The following PLEKHH3 variants were observed in gnomAD, a reference collection of about 807,000 sequenced individuals.
The protein encoded by PLEKHH3 is pleckstrin homology domain-containing family H member 3.
Under a neutral mutation model 77.8 loss-of-function variants are expected in PLEKHH3, and 57 were observed. The observed-to-expected ratio is 0.73, with a 90% confidence interval of 0.59 to 0.91. The LOEUF (loss-of-function observed/expected upper bound fraction) is 0.91. Ranked by LOEUF, PLEKHH3 falls within the 40% of genes least tolerant of loss-of-function variation. The pLI is 0.00. For missense variants in PLEKHH3, 1,082 were observed against 1,091.2 expected (o/e 0.99, Z 0.12); for synonymous variants, 467 against 504.8 (o/e 0.93, Z 1.00).
chr17:42,676,733 T>C lies in PLEKHH3; in HGVS notation c.-170A>G. ...CCTGGGCTGGGGTGCAAGGGGACGC[T>C]AGCCAGACGCTGAGGGGGGCTCAGT... On this transcript the variant is annotated 5_prime_UTR_variant, in exon 1 of 13. Transcript: ENST00000591022. This position sits in a 1 kb window ranked among gnomAD's most constrained non-coding sequence, Gnocchi z 6.6. 1.5e-6 allele frequency: 1 copy of C among 657,054 alleles called. No homozygotes were observed. Among genetic ancestry groups the C allele is most frequent in the Admixed American group, 2.9e-5 (1 of 34,616 alleles). 40.7% of individuals were successfully genotyped at this position (657,054 alleles called of 1,614,324 possible).
chr17:42,668,101 A>T lies in PLEKHH3; in HGVS notation c.*26T>A. 1 of 1,389,442 alleles carries T rather than the reference A, an allele frequency of 7.2e-7. No individual in the cohort carries two copies. The allele number at this position is 1,389,442 out of a possible 1,614,324, so 86.1% of individuals were successfully genotyped here. A position where few individuals can be genotyped will look rare whatever the true frequency, so the allele number is the denominator to read the frequency against. On this transcript the variant is annotated 3_prime_UTR_variant, in exon 13 of 13. Transcript: ENST00000591022. Reference sequence around the variant, plus strand: ...AGTCCTGGCCCAGGCTGCAGGCAGGAGGGAAGTCGTGACCTCTTGGCAGGC... The same window carrying T: ...AGTCCTGGCCCAGGCTGCAGGCAGGTGGGAAGTCGTGACCTCTTGGCAGGC...
intron 1 of PLEKHH3, among the ~76,000 whole-genome samples, chr17:42,675,294 G>A (rs1384245154): frequency 6.6e-6 from 1 of 152,176 alleles, no homozygotes; most frequent in East Asian, 1.9e-4. Context: ...CTCAGGGAAG[G>A]GGGGAGTTGA....
At position 42,676,159 on chromosome 17, in the gene PLEKHH3, C is replaced by T. The variant is rs894981177; in HGVS notation, c.162+243G>A. On this transcript the variant is annotated intron_variant, in intron 1 of 12. Coordinates refer to ENST00000591022, the MANE Select transcript of PLEKHH3 (RefSeq NM_024927.5). The surrounding 1 kb of genome is among the most constrained non-coding windows in gnomAD (Gnocchi z 6.6). ...CCAGGTCGGGCCACGCGTGACGCCTCCCCTGCCTCAGGGCCCCCAGCAGGT... is the reference window on the plus strand; with the variant it reads ...CCAGGTCGGGCCACGCGTGACGCCTTCCCTGCCTCAGGGCCCCCAGCAGGT... The T allele has an allele frequency of 1.7e-5, 23 of 1,380,654 alleles. No individual in the cohort carries two copies. The highest frequency in any genetic ancestry group is 1.8e-5 in the Non-Finnish European group (19 of 1,068,478). The allele number at this position is 1,380,654 out of a possible 1,614,324, so 85.5% of individuals were successfully genotyped here.
intron 11 of PLEKHH3, 137 bp from the exon 12 acceptor site, chr17:42,669,758 C>T (rs1471851177): frequency 1.3e-6 from 2 of 1,481,738 alleles, no homozygotes; most frequent in East Asian, 4.9e-5. Context: ...GGCTGAGGCT[C>T]CAGGGATGTG....
At position 42,676,973 on chromosome 17, in the gene PLEKHH3, C is replaced by A. The variant is rs776312655; in HGVS notation, c.-410G>T. 3.8e-4 allele frequency: 64 copies of A among 169,398 alleles called. No individual in the cohort carries two copies. Among genetic ancestry groups the A allele is most frequent in the Non-Finnish European group, 6.4e-4 (51 of 80,178 alleles). The allele number at this position is 169,398 out of a possible 1,614,324, so 10.5% of individuals were successfully genotyped here. ...GCCGGGGCCCGGGCCGCGCGCGCTG[C>A]GCTCCCTGCAGCCCCGGGACTGGCG... On this transcript the variant is annotated 5_prime_UTR_variant, in exon 1 of 13. Transcript: ENST00000591022. The surrounding 1 kb of genome is among the most constrained non-coding windows in gnomAD (Gnocchi z 6.6).
At position 42,671,658 on chromosome 17, in the gene PLEKHH3, C is replaced by T; in HGVS notation, c.1077-100G>A. ...TAGTTTATTTTATCTAGCCGATTTC[C>T]TCCCCGCCCCAACTCAAGTTCTTTG... On this transcript the variant is annotated intron_variant, in intron 7 of 12. Coordinates refer to ENST00000591022, the MANE Select transcript of PLEKHH3 (RefSeq NM_024927.5). The surrounding 1 kb of genome is among the most constrained non-coding windows in gnomAD (Gnocchi z 4.7). 7.9e-6 allele frequency: 10 copies of T among 1,259,314 alleles called. No homozygotes were observed. In the Middle Eastern group the frequency reaches 7.7e-4, roughly 96 times the overall value. The allele number at this position is 1,259,314 out of a possible 1,614,324, so 78.0% of individuals were successfully genotyped here.
Position 42,672,268 on chromosome 17 carries a change from G to A in PLEKHH3, c.894C>T (p.Pro298=), listed in dbSNP as rs369966968. 2.3e-5 allele frequency: 36 copies of A among 1,550,684 alleles called. No homozygotes were observed. The highest frequency in any genetic ancestry group is 2.9e-5 in the Non-Finnish European group (33 of 1,147,026). The part of the protein sequence containing the change: ...QGVLQTCRDL[P]ALRDELFLQL... The stretch of plus-strand genomic sequence containing the variant: ...GCAGGAAGAGTTCATCCCGGAGCGC[G>A]GGCAAGTCCCGGCAGGTTTGGAGCA... The change falls in exon 7 of 13, where the codon CCC becomes CCT. Residue 298 remains proline, a synonymous_variant. Transcript: ENST00000591022.
In PLEKHH3 at chr17:42,676,423, C is replaced by CG; in HGVS notation, c.140dup (p.Ser48GlufsTer114). 6.2e-7 allele frequency: 1 copy of CG among 1,613,396 alleles called. No individual in the cohort carries two copies. The highest frequency in any genetic ancestry group is 8.5e-7 in the Non-Finnish European group (1 of 1,179,944). On this transcript the variant is annotated frameshift_variant, in exon 1 of 13. Coordinates refer to ENST00000591022, the MANE Select transcript of PLEKHH3 (RefSeq NM_024927.5). LOFTEE classifies it high-confidence loss of function. The surrounding 1 kb of genome is among the most constrained non-coding windows in gnomAD (Gnocchi z 6.6). Reference sequence around the variant, plus strand: ...TTACCCTCCCGCCGCCCGCTGGACTCGGGGTCCGCAGCTCAAAGGTTTCCT... The same window carrying CG: ...TTACCCTCCCGCCGCCCGCTGGACTCGGGGGTCCGCAGCTCAAAGGTTTCCT...
Position 42,671,341 on chromosome 17 carries a change from C to T in PLEKHH3, c.1284+10G>A, listed in dbSNP as rs2064491769. On this transcript the variant is annotated intron_variant, in intron 8 of 12. Transcript: ENST00000591022. The surrounding 1 kb of genome is among the most constrained non-coding windows in gnomAD (Gnocchi z 4.7). ...GGGTTGGAGGTCATGGGGCCTTTCT[C>T]TGGCCTCACCTCCCCCGCCGTGGTG... 1.2e-6 allele frequency: 2 copies of T among 1,611,142 alleles called. No individual in the cohort carries two copies. Among genetic ancestry groups the T allele is most frequent in the African/African-American group, 1.3e-5 (1 of 74,912 alleles).
chr17:42,676,583 TG>T lies in PLEKHH3; in HGVS notation c.-21del. On this transcript the variant is annotated 5_prime_UTR_variant, in exon 1 of 13. Coordinates refer to ENST00000591022, the MANE Select transcript of PLEKHH3 (RefSeq NM_024927.5). This position sits in a 1 kb window ranked among gnomAD's most constrained non-coding sequence, Gnocchi z 6.6. The stretch of plus-strand genomic sequence containing the variant: ...AGGCATCCGGGCGAGGAGCTGCGGA[TG>T]GGGGCGCGGGCAGCCGCGGCCGAGC... 1 of 1,545,972 alleles carries T rather than the reference TG, an allele frequency of 6.5e-7. No homozygotes were observed.
chr17:42,675,919 C>T (rs2052814510), intron 1 of PLEKHH3: 2 of 1,013,898 alleles, frequency 2.0e-6, no homozygotes, highest in Non-Finnish European at 1.2e-6. Flanking sequence ...CCTTGGGGTC[C>T]CCGCCACAGA....
chr17:42,671,410 G>A lies in PLEKHH3; in HGVS notation c.1225C>T (p.His409Tyr). The A allele has an allele frequency of 6.2e-7, 1 of 1,613,154 alleles. No individual in the cohort carries two copies. The highest frequency in any genetic ancestry group is 8.5e-7 in the Non-Finnish European group (1 of 1,180,020). The change falls in exon 8 of 13, where the codon CAC becomes TAC. Residue 409 changes from histidine to tyrosine, a missense_variant. Physicochemically the swap from His to Tyr is moderately conservative, Grantham distance 83. Transcript: ENST00000591022. This position sits in a 1 kb window ranked among gnomAD's most constrained non-coding sequence, Gnocchi z 4.7. ...SQRQELLCTV[H>Y]CPGAGACAVA... is the part of the protein sequence containing the mutation. ...GCACAGGCACCAGCCCCCGGACAGTGCACGGTACACAGCAGCTCCTGCCGT... is the reference window on the plus strand; with the variant it reads ...GCACAGGCACCAGCCCCCGGACAGTACACGGTACACAGCAGCTCCTGCCGT...
At position 42,676,277 on chromosome 17, in the gene PLEKHH3, A is replaced by G. The variant is rs2052825005; in HGVS notation, c.162+125T>C. ...TCCCGGGGGCTTTGGCCCCCAGGCA[A>G]AAAACTCTCCCTCATCCCTAGTTCG... On this transcript the variant is annotated intron_variant, in intron 1 of 12. Coordinates refer to ENST00000591022, the MANE Select transcript of PLEKHH3 (RefSeq NM_024927.5). This position sits in a 1 kb window ranked among gnomAD's most constrained non-coding sequence, Gnocchi z 6.6. 2 of 1,488,034 alleles carry G rather than the reference A, an allele frequency of 1.3e-6. No individual in the cohort carries two copies. The highest frequency in any genetic ancestry group is 1.8e-6 in the Non-Finnish European group (2 of 1,120,816). 92.2% of individuals were successfully genotyped at this position (1,488,034 alleles called of 1,614,324 possible).
chr17:42,669,363 G>A, intron 12 of PLEKHH3, 67 bp downstream of exon 12: 1 of 1,437,640 alleles, frequency 7.0e-7, no homozygotes, highest in Non-Finnish European at 9.2e-7. Context: ...CAGGTTTGGT[G>A]TTCTGTAAAT....
chr17:42,676,635 G>C lies in PLEKHH3; in HGVS notation c.-72C>G. On this transcript the variant is annotated 5_prime_UTR_variant, in exon 1 of 13. Coordinates refer to ENST00000591022, the MANE Select transcript of PLEKHH3 (RefSeq NM_024927.5). The surrounding 1 kb of genome is among the most constrained non-coding windows in gnomAD (Gnocchi z 6.6). Reference sequence around the variant, plus strand: ...AGTAGGGGGTCGGAGGAACTGGCGGGGCTCCGACCCGAGCAGGGGAAAGAT... The same window carrying C: ...AGTAGGGGGTCGGAGGAACTGGCGGCGCTCCGACCCGAGCAGGGGAAAGAT... The C allele has an allele frequency of 7.0e-7, 1 of 1,421,114 alleles. No individual in the cohort carries two copies. The highest frequency in any genetic ancestry group is 9.6e-7 in the Non-Finnish European group (1 of 1,042,112). The allele number at this position is 1,421,114 out of a possible 1,614,324, so 88.0% of individuals were successfully genotyped here. A position where few individuals can be genotyped will look rare whatever the true frequency, so the allele number is the denominator to read the frequency against.
At position 42,670,008 on chromosome 17, in the gene PLEKHH3, G is replaced by T. The variant is rs753937518; in HGVS notation, c.1923C>A (p.Gly641=). The T allele has an allele frequency of 6.3e-7, 1 of 1,595,708 alleles. No homozygotes were observed. Among genetic ancestry groups the T allele is most frequent in the Non-Finnish European group, 8.5e-7 (1 of 1,174,212 alleles). The change falls in exon 11 of 13, where the codon GGC becomes GGA. Residue 641 remains glycine, a synonymous_variant. Coordinates refer to ENST00000591022, the MANE Select transcript of PLEKHH3 (RefSeq NM_024927.5). ...GGTAGGCGGCCATGGCCTCAGCTCG[G>T]CCCATGCCCCGTAGCCGCTTCCAGC... ...LGGWKRLRGM[G]RAEAMAAYLA...
In PLEKHH3 at chr17:42,670,029, CCAGCCGCCCAGCACGG is replaced by C. The variant is rs775921332; in HGVS notation, c.1886_1901del (p.Ala629GlyfsTer36). 2 of 1,570,574 alleles carry C rather than the reference CCAGCCGCCCAGCACGG, an allele frequency of 1.3e-6. No individual in the cohort carries two copies. The highest frequency in any genetic ancestry group is 1.7e-6 in the Non-Finnish European group (2 of 1,163,808). Reference sequence around the variant, plus strand: ...CTCGGCCCATGCCCCGTAGCCGCTTCCAGCCGCCCAGCACGGCAGCTGCCGTGCCGGCGCCGCCTCC... The same window carrying C: ...CTCGGCCCATGCCCCGTAGCCGCTTCCAGCTGCCGTGCCGGCGCCGCCTCC... On this transcript the variant is annotated frameshift_variant, in exon 11 of 13. Transcript: ENST00000591022. LOFTEE classifies it high-confidence loss of function.
chr17:42,671,096 GCCAAGC>G lies in PLEKHH3; in HGVS notation c.1313_1318del (p.Gly438_Leu439del). On this transcript the variant is annotated inframe_deletion, in exon 9 of 13. Coordinates refer to ENST00000591022, the MANE Select transcript of PLEKHH3 (RefSeq NM_024927.5). This position sits in a 1 kb window ranked among gnomAD's most constrained non-coding sequence, Gnocchi z 4.7. ...CAGCGCGAATGCGTTGCGGCTCCGG[GCCAAGC>G]CCAGCCGCCCCACCAGCTCTCGAGC... 1.3e-6 allele frequency: 2 copies of G among 1,597,784 alleles called. No homozygotes were observed. The highest frequency in any genetic ancestry group is 1.7e-6 in the Non-Finnish European group (2 of 1,170,716).
Position 42,673,175 on chromosome 17 carries a change from C to T in PLEKHH3, c.769+1G>A. On this transcript the variant is annotated splice_donor_variant, in intron 6 of 12. Coordinates refer to ENST00000591022, the MANE Select transcript of PLEKHH3 (RefSeq NM_024927.5). LOFTEE classifies it high-confidence loss of function. Reference sequence around the variant, plus strand: ...GGGACTTGGGCCATGGGACCACTCACCTGGGGCGCTGACTCCATAGGGCAG... The same window carrying T: ...GGGACTTGGGCCATGGGACCACTCATCTGGGGCGCTGACTCCATAGGGCAG... The T allele has an allele frequency of 6.6e-7, 1 of 1,518,446 alleles. No individual in the cohort carries two copies. The highest frequency in any genetic ancestry group is 8.8e-7 in the Non-Finnish European group (1 of 1,135,292). The allele number at this position is 1,518,446 out of a possible 1,614,324, so 94.1% of individuals were successfully genotyped here.
Sources: gnomAD v4.1 joint callset for allele counts (sites outside exome capture counted in the v4.1 genomes callset) on GRCh38, gnomAD v4.1.1 for gene constraint, Gnocchi (gnomAD v3.1) non-coding constraint, MANE v1.5 for transcripts, NCBI Gene and HGNC (gene_info 2026-07-23, HGNC 2026-07-21) for gene names.